Variants in RFX3 observed in about 807,000 individuals in gnomAD.
RFX3 encodes regulatory factor X3, also known as transcription factor RFX3.
Under a neutral mutation model 98.6 loss-of-function variants are expected in RFX3, and 14 were observed. The ratio of observed to expected loss-of-function variants is 0.14; its 90% CI spans 0.09 to 0.22. The LOEUF (loss-of-function observed/expected upper bound fraction) is 0.22, where lower values mean the gene tolerates loss of function less well. Among genes scored for constraint, RFX3 ranks in the 10% least tolerant of loss-of-function variants. RFX3 has a pLI of 1.00. For missense variants in RFX3, 639 were observed against 926.9 expected, an observed-to-expected ratio of 0.69 and a Z score of 4.03; for synonymous variants, 383 against 328.4, an observed-to-expected ratio of 1.17 and a Z score of -1.80.
chr9:3,272,074 G>A (rs186644153), intron 9 of RFX3, among the ~76,000 whole-genome samples: 30 of 151,906 alleles, frequency 2.0e-4, no homozygotes, highest in Middle Eastern at 3.4e-3. Context: ...TCCGTTAACT[G>A]TCAATGATGA....
intron 2 of RFX3, among the ~76,000 whole-genome samples, chr9:3,394,395 A>G (rs1840642132): frequency 6.6e-6 from 1 of 152,182 alleles, no homozygotes; most frequent in Non-Finnish European, 1.5e-5. Flanking sequence ...CCCGGGAGGC[A>G]GAGCTTGCGG....
chr9:3,452,509 C>T (rs960687332), intron 1 of RFX3: 1 of 155,714 alleles, frequency 6.4e-6, no homozygotes, highest in African/African-American at 2.4e-5. Flanking sequence ...AGGAAGATTG[C>T]TTGAGCTCAA....
chr9:3,481,465 C>G (rs972265759), intron 1 of RFX3, among the ~76,000 whole-genome samples: 7 of 151,478 alleles, frequency 4.6e-5, no homozygotes, highest in African/African-American at 1.2e-4. Context: ...AAATAGTTTC[C>G]CATCTGAAAA....
intron 1 of RFX3, among the ~76,000 whole-genome samples, chr9:3,502,633 C>T (rs536524314): frequency 2.0e-5 from 3 of 152,262 alleles, no homozygotes; most frequent in African/African-American, 7.2e-5. Flanking sequence ...TAACATCAGA[C>T]ATATGACACT....
intron 2 of RFX3, among the ~76,000 whole-genome samples, chr9:3,372,103 A>C (rs7043493): frequency 0.2 from 30,090 of 152,134 alleles, 5,179 homozygotes; most frequent in African/African-American, 0.46. Context: ...CACTACAGCA[A>C]CTGTATTTCT....
chr9:3,467,174 G>A (rs1243964703), intron 1 of RFX3, among the ~76,000 whole-genome samples: 5 of 118,852 alleles, frequency 4.2e-5, no homozygotes, highest in African/African-American at 1.2e-4. Context: ...CGTATATAAT[G>A]TATATATGTA....
rs79171644 is a variant in RFX3, at chr9:3,254,273, G to GA, written c.1814+2717dup. Reference sequence around the variant, plus strand: ...CTAAAATGACATCAACTAAATATAGGAAAAAAAAAAAAACCAACCACAGGT... The same window carrying GA: ...CTAAAATGACATCAACTAAATATAGGAAAAAAAAAAAAAACCAACCACAGGT... On this transcript the variant is annotated intron_variant, in intron 14 of 16. Coordinates refer to ENST00000617270, the MANE Select transcript of RFX3 (RefSeq NM_001282116.2). 9.4e-3 allele frequency among the ~76,000 whole-genome samples: 1,242 copies of GA among 131,904 alleles called. 3 individuals carry two copies. The highest frequency in any genetic ancestry group is 0.012 in the Non-Finnish European group (712 of 61,094). The allele number at this position is 131,904 out of a possible 152,430, so 86.5% of individuals were successfully genotyped here. A position where few individuals can be genotyped will look rare whatever the true frequency, so the allele number is the denominator to read the frequency against.
chr9:3,446,842 C>G (rs115657138), intron 1 of RFX3, among the ~76,000 whole-genome samples: 1 of 151,982 alleles, frequency 6.6e-6, no homozygotes, highest in Non-Finnish European at 1.5e-5. Flanking sequence ...TTGCTGGACA[C>G]TGCTGTTTTA....
chr9:3,373,231 A>C (rs1838061228), intron 2 of RFX3, among the ~76,000 whole-genome samples: 2 of 152,132 alleles, frequency 1.3e-5, no homozygotes, highest in African/African-American at 2.4e-5. Flanking sequence ...TGAGGGAATA[A>C]ACTCCTCACT....
At chr9:3,236,670 A>G (rs1819194505) in intron 15 of RFX3, among the ~76,000 whole-genome samples, 2 of 152,226 alleles carry the variant, frequency 1.3e-5, no homozygotes, top group South Asian at 4.1e-4. Context: ...CAGTGGACAC[A>G]GCAGGACACA....
At chr9:3,309,575 G>C (rs1213749692) in intron 4 of RFX3, among the ~76,000 whole-genome samples, 1 of 151,464 alleles carries the variant, frequency 6.6e-6, no homozygotes, top group African/African-American at 2.4e-5. Flanking sequence ...AGGGGGAAAA[G>C]AGAATGGGGG....
intron 1 of RFX3, among the ~76,000 whole-genome samples, chr9:3,510,350 CAAACA>C (rs905757919): frequency 3.3e-5 from 5 of 151,812 alleles, no homozygotes; most frequent in African/African-American, 1.2e-4. Flanking sequence ...AACAAACAAA[CAAACA>C]AAACTCTCCT....
Position 3,328,839 on chromosome 9 carries a change from A to G in RFX3, c.474+1420T>C, listed in dbSNP as rs749866755. Among the ~76,000 whole-genome samples, 6 of 152,206 alleles carry G rather than the reference A, an allele frequency of 3.9e-5. No homozygotes were observed. The East Asian group carries it at 5.8e-4, about 15-fold the overall frequency. On this transcript the variant is annotated intron_variant, in intron 4 of 16. Coordinates refer to ENST00000617270, the MANE Select transcript of RFX3 (RefSeq NM_001282116.2). ...TTCTCATATTACTATTTTCTCCCCA[A>G]TTTATTTCTATCTCTATTTCATTGC...
intron 3 of RFX3, among the ~76,000 whole-genome samples, chr9:3,342,326 A>G (rs1453826426): frequency 6.6e-6 from 1 of 152,194 alleles, no homozygotes; most frequent in Non-Finnish European, 1.5e-5. Context: ...ACAGTGTTTC[A>G]CTGCTTGTGT....
chr9:3,247,549 C>T (rs1392351930), intron 15 of RFX3: 2 of 1,070,196 alleles, frequency 1.9e-6, no homozygotes, highest in Non-Finnish European at 2.4e-6. Context: ...TAGAACTGTG[C>T]CTCGCACATA....
intron 15 of RFX3, chr9:3,247,330 C>G: frequency 2.0e-6 from 2 of 986,816 alleles, no homozygotes; most frequent in Non-Finnish European, 2.4e-6. Context: ...AGAATTTTCC[C>G]CCTTACATCA....
rs117866093 is a variant in RFX3, at chr9:3,264,753, G to C, written c.1455+1455C>G. Among the ~76,000 whole-genome samples, 32 of 152,006 alleles carry C rather than the reference G, an allele frequency of 2.1e-4. No homozygotes were observed. The East Asian group carries it at 6.0e-3, about 28-fold the overall frequency. ...TCCTCTGTCAGGGTAAATTGTCTCT[G>C]TTAATTGAATGTGGAGAGGAAAAAA... On this transcript the variant is annotated intron_variant, in intron 12 of 16. Transcript: ENST00000617270.
intron 13 of RFX3, among the ~76,000 whole-genome samples, chr9:3,257,663 G>T (rs1165305333): frequency 6.6e-6 from 1 of 152,118 alleles, no homozygotes; most frequent in Non-Finnish European, 1.5e-5. Flanking sequence ...GATAAAATTG[G>T]CCAAAAGAGG....
In RFX3 at chr9:3,339,872, T is replaced by A. The variant is rs1587168083; in HGVS notation, c.215+6795A>T. The stretch of plus-strand genomic sequence containing the variant: ...AATGCCATCACCATCAAGCTACCGA[T>A]GACTTTCTTCACAGAATTGGAAAAA... On this transcript the variant is annotated intron_variant, in intron 3 of 16. Transcript: ENST00000617270. 2.0e-5 allele frequency among the ~76,000 whole-genome samples: 3 copies of A among 152,228 alleles called. No homozygotes were observed. In the East Asian group the frequency reaches 5.8e-4, roughly 29 times the overall value.
Sources: gnomAD v4.1 joint callset for allele counts (sites outside exome capture counted in the v4.1 genomes callset) on GRCh38, gnomAD v4.1.1 for gene constraint, MANE v1.5 for transcripts, NCBI Gene and HGNC (gene_info 2026-07-23, HGNC 2026-07-21) for gene names.